Variants in SLC45A4 observed in about 807,000 individuals in gnomAD.
The protein encoded by SLC45A4 is solute carrier family 45 member 4, also known as polyamine-transporter SLC45A4.
Under a neutral mutation model 63.7 loss-of-function variants are expected in SLC45A4, and 32 were observed. The ratio of observed to expected loss-of-function variants is 0.50; its 90% confidence interval spans 0.38 to 0.67. SLC45A4 has a LOEUF of 0.67. Among genes scored for constraint, SLC45A4 ranks in the 30% least tolerant of loss-of-function variants. The probability of loss-of-function intolerance (pLI) is 0.00; values close to 1 mark genes in which losing one functional copy is unlikely to be tolerated. For missense variants in SLC45A4, 1,027 were observed against 1,157.7 expected (o/e 0.89, Z 1.64); for synonymous variants, 535 against 510.0 (o/e 1.05, Z -0.66).
At chr8:141,258,883 C>G (rs1294982292) in intron 1 of SLC45A4, among the ~76,000 whole-genome samples, 1 of 131,490 alleles carries the variant, frequency 7.6e-6, no homozygotes, top group Non-Finnish European at 1.6e-5. Context: ...ACAGTGAGAC[C>G]TCTTTTTTTT....
chr8:141,259,333 C>T (rs537732261), intron 1 of SLC45A4, among the ~76,000 whole-genome samples: 35 of 152,352 alleles, frequency 2.3e-4, no homozygotes, highest in Non-Finnish European at 4.3e-4. Context: ...TGGCGCTGCA[C>T]GTTCAGCCGT....
At chr8:141,252,353 C>T (rs1828504803) in intron 2 of SLC45A4, 1 of 161,094 alleles carries the variant, frequency 6.2e-6, no homozygotes, top group Non-Finnish European at 1.4e-5. Context: ...TCATGCCAAC[C>T]TGTGCGTCTC....
intron 2 of SLC45A4, chr8:141,228,560 C>T: frequency 8.1e-7 from 1 of 1,241,640 alleles, no homozygotes. Context: ...GCATGGGCTC[C>T]TCTCTGCCCT....
intron 2 of SLC45A4, among the ~76,000 whole-genome samples, chr8:141,230,743 G>A (rs1245474120): frequency 6.6e-6 from 1 of 152,242 alleles, no homozygotes; most frequent in African/African-American, 2.4e-5. Flanking sequence ...TCCTGCCCAG[G>A]GAAGTGCAAT....
chr8:141,285,766 C>A (rs907235396), intron 1 of SLC45A4, among the ~76,000 whole-genome samples: 2 of 152,236 alleles, frequency 1.3e-5, no homozygotes, highest in South Asian at 2.1e-4. Flanking sequence ...CCCCGTGCCC[C>A]CTTCTGACCG....
rs1039180912 is a variant in SLC45A4, at chr8:141,256,800, C to G, written c.-400-2171G>C. 1 of 346,582 alleles carries G rather than the reference C, an allele frequency of 2.9e-6. No homozygotes were observed. Among genetic ancestry groups the G allele is most frequent in the South Asian group, 2.2e-5 (1 of 46,074 alleles). The allele number at this position is 346,582 out of a possible 1,614,324, so 21.5% of individuals were successfully genotyped here. ...TACCGTAGAAACATCTCAATTAAAA[C>G]AAGAGTTTCCAAACTGTCACCTTAC... On this transcript the variant is annotated intron_variant, in intron 1 of 8. Coordinates refer to ENST00000517878, the MANE Select transcript of SLC45A4 (RefSeq NM_001286646.2). This position sits in a 1 kb window ranked among gnomAD's most constrained non-coding sequence, Gnocchi z 4.3.
chr8:141,235,266 A>C (rs1210883744), intron 2 of SLC45A4, among the ~76,000 whole-genome samples: 1 of 152,200 alleles, frequency 6.6e-6, no homozygotes, highest in Non-Finnish European at 1.5e-5. Flanking sequence ...AGGTGAAGCA[A>C]TTTAAATGCA....
In SLC45A4 at chr8:141,218,893, G is replaced by A. The variant is rs1239857879; in HGVS notation, c.747C>T (p.His249=). The A allele has an allele frequency of 3.7e-6, 6 of 1,613,606 alleles. No individual in the cohort carries two copies. The highest frequency in any genetic ancestry group is 5.1e-6 in the Non-Finnish European group (6 of 1,179,950). ...ACTGCTCCTCGTCGATGCTGAACAG[G>A]TGCAGGGCCACGGACACCGTGAAGA... ...AIIFTVSVAL[H]LFSIDEEQYS... is the part of the protein sequence containing the mutation. Residue 249 remains histidine, a synonymous_variant, in exon 5 of 9, where the codon CAC becomes CAT. Coordinates refer to ENST00000517878, the MANE Select transcript of SLC45A4 (RefSeq NM_001286646.2).
chr8:141,262,264 C>A (rs1304768481), intron 1 of SLC45A4, among the ~76,000 whole-genome samples: 1 of 150,706 alleles, frequency 6.6e-6, no homozygotes, highest in African/African-American at 2.4e-5. Context: ...CATAAAAACC[C>A]TAGAAGAAAA....
intron 1 of SLC45A4, among the ~76,000 whole-genome samples, chr8:141,291,739 A>G (rs1357475969): frequency 1.3e-5 from 2 of 152,240 alleles, no homozygotes; most frequent in African/African-American, 4.8e-5. Flanking sequence ...CCCTGGGTCA[A>G]TGTTACTGGC....
chr8:141,253,930 G>A lies in SLC45A4; in HGVS notation c.241+59C>T, dbSNP rs1054387431. 5.9e-6 allele frequency: 9 copies of A among 1,523,752 alleles called. No individual in the cohort carries two copies. In the Admixed American group the frequency reaches 7.9e-5, roughly 13 times the overall value. 94.4% of individuals were successfully genotyped at this position (1,523,752 alleles called of 1,614,324 possible). On this transcript the variant is annotated intron_variant, in intron 2 of 8. Transcript: ENST00000517878. ...TCTGCCTCCAGAGGATCAGAGCCAC[G>A]CCCAGTCCGCTAGCACTCCGCTCAG...
At chr8:141,219,341 T>C (rs1453041889) in intron 4 of SLC45A4, among the ~76,000 whole-genome samples, 1 of 152,210 alleles carries the variant, frequency 6.6e-6, no homozygotes, top group Non-Finnish European at 1.5e-5. Context: ...TCACCCTGGA[T>C]GGGAGTACTG....
chr8:141,249,761 G>C (rs918436515), intron 2 of SLC45A4, among the ~76,000 whole-genome samples: 1 of 152,164 alleles, frequency 6.6e-6, no homozygotes, highest in South Asian at 2.1e-4. Flanking sequence ...CTCCAACTCC[G>C]ATCAGGGAAA....
intron 1 of SLC45A4, among the ~76,000 whole-genome samples, chr8:141,291,092 G>T (rs1479016128): frequency 6.6e-6 from 1 of 152,110 alleles, no homozygotes; most frequent in East Asian, 1.9e-4. Flanking sequence ...CAAGTGATCC[G>T]CCCACCTTGG....
chr8:141,235,025 C>T (rs1008700334), intron 2 of SLC45A4, among the ~76,000 whole-genome samples: 6 of 152,208 alleles, frequency 3.9e-5, no homozygotes, highest in Non-Finnish European at 5.9e-5. Context: ...CTCTGCAAAC[C>T]GAAACTGACT....
chr8:141,260,160 G>A lies in SLC45A4; in HGVS notation c.-400-5531C>T, dbSNP rs1828988790. ...GGATTTTACACAGGTGACCTCACTG[G>A]CATCTATATTGATGAAAACAACAAA... On this transcript the variant is annotated intron_variant, in intron 1 of 8. Coordinates refer to ENST00000517878, the MANE Select transcript of SLC45A4 (RefSeq NM_001286646.2). Among the ~76,000 whole-genome samples the A allele has an allele frequency of 2.0e-5, 3 of 152,210 alleles. No homozygotes were observed. In the South Asian group the frequency reaches 6.2e-4, roughly 32 times the overall value.
intron 1 of SLC45A4, among the ~76,000 whole-genome samples, chr8:141,273,921 G>T (rs1300440049): frequency 1.3e-5 from 2 of 152,248 alleles, no homozygotes; most frequent in Non-Finnish European, 2.9e-5. Flanking sequence ...TAATGTCAAA[G>T]CTTGTCTTTA....
intron 1 of SLC45A4, among the ~76,000 whole-genome samples, chr8:141,295,046 C>T (rs531136258): frequency 6.6e-5 from 10 of 152,336 alleles, no homozygotes; most frequent in African/African-American, 2.2e-4. Flanking sequence ...GAGAGAGCTG[C>T]GGGCAGGCCT....
chr8:141,269,619 T>C (rs541199340), intron 1 of SLC45A4, among the ~76,000 whole-genome samples: 1 of 151,406 alleles, frequency 6.6e-6, no homozygotes, highest in East Asian at 1.9e-4. Context: ...TGTCTGCCTA[T>C]GTGTCTGTGC....
Sources: gnomAD v4.1 joint callset for allele counts (sites outside exome capture counted in the v4.1 genomes callset) on GRCh38, gnomAD v4.1.1 for gene constraint, Gnocchi (gnomAD v3.1) non-coding constraint, MANE v1.5 for transcripts, NCBI Gene and HGNC (gene_info 2026-07-23, HGNC 2026-07-21) for gene names.